Variants in RASA2 observed in about 807,000 individuals in gnomAD.
The protein encoded by RASA2 is RAS p21 protein activator 2.
Under a neutral mutation model 118.2 loss-of-function variants are expected in RASA2, and 155 were observed. That is an observed-to-expected ratio of 1.31 (90% CI 1.15 to 1.50). RASA2 has a LOEUF of 1.50. Ranked by LOEUF, RASA2 falls within the 40% of genes most tolerant of loss-of-function variation. RASA2 has a pLI of 0.00. For missense variants in RASA2, 1,016 were observed against 1,009.6 expected (o/e 1.01, Z -0.09); for synonymous variants, 353 against 349.1 (o/e 1.01, Z -0.12).
At chr3:141,511,521 A>T (rs2081949990) in intron 1 of RASA2, among the ~76,000 whole-genome samples, 1 of 152,122 alleles carries the variant, frequency 6.6e-6, no homozygotes. Flanking sequence ...AAAGAGGGAT[A>T]TTTATGTTCA....
intron 19 of RASA2, chr3:141,600,710 AT>A (rs1318974256): frequency 6.5e-6 from 1 of 153,524 alleles, no homozygotes; most frequent in Non-Finnish European, 1.5e-5. Flanking sequence ...TTAGATAAGT[AT>A]TTTTTAAGAA....
chr3:141,580,459 C>T lies in RASA2; in HGVS notation c.1674+8C>T, dbSNP rs1211222760. 2.5e-6 allele frequency: 4 copies of T among 1,572,402 alleles called. No homozygotes were observed. The highest frequency in any genetic ancestry group is 3.5e-6 in the Non-Finnish European group (4 of 1,147,678). The stretch of plus-strand genomic sequence containing the variant: ...AGTCTGTCCAAAAGCAAGGTAAGTC[C>T]TTACATCTTTTATTTTGTTTTTACA... On this transcript the variant is annotated splice_region_variant and intron_variant, in intron 16 of 23. Coordinates refer to ENST00000286364, the MANE Select transcript of RASA2 (RefSeq NM_006506.5).
At chr3:141,505,709 T>C (rs756190440) in intron 1 of RASA2, among the ~76,000 whole-genome samples, 28 of 152,290 alleles carry the variant, frequency 1.8e-4, no homozygotes, top group Non-Finnish European at 2.5e-4. Context: ...GTAGATAGTG[T>C]GAGCCATTGA....
chr3:141,531,850 T>A (rs2082265503), intron 4 of RASA2, among the ~76,000 whole-genome samples: 1 of 152,044 alleles, frequency 6.6e-6, no homozygotes, highest in Non-Finnish European at 1.5e-5. Context: ...CCACTGCTGA[T>A]AAGGGAATAC....
intron 19 of RASA2, among the ~76,000 whole-genome samples, chr3:141,606,239 C>T (rs1470317987): frequency 6.6e-6 from 1 of 152,158 alleles, no homozygotes; most frequent in Non-Finnish European, 1.5e-5. Context: ...TTACTGCCTC[C>T]CTGCCCCACC....
chr3:141,530,898 T>C (rs1423601347), intron 4 of RASA2, among the ~76,000 whole-genome samples: 1 of 152,144 alleles, frequency 6.6e-6, no homozygotes, highest in African/African-American at 2.4e-5. Context: ...TGGAAAGTGT[T>C]TAAATTAAAA....
At chr3:141,598,077 C>T (rs185234846) in intron 19 of RASA2, among the ~76,000 whole-genome samples, 2 of 152,184 alleles carry the variant, frequency 1.3e-5, no homozygotes, top group South Asian at 4.1e-4. Flanking sequence ...AAAAAGAATG[C>T]CAGGCTTAAA....
Position 141,615,077 on chromosome 3 carries a change from G to C in RASA2, c.*2764G>C, listed in dbSNP as rs2083708653. The C allele has an allele frequency of 6.6e-6, 1 of 152,070 alleles. No individual in the cohort carries two copies. The highest frequency in any genetic ancestry group is 2.4e-5 in the African/African-American group (1 of 41,394). The allele number at this position is 152,070 out of a possible 1,614,324, so 9.4% of individuals were successfully genotyped here. Reference sequence around the variant, plus strand: ...TGTGAAAAATACAAGACTCATTCTAGAGTTAAATTACCAATCTTGGTTGAT... The same window carrying C: ...TGTGAAAAATACAAGACTCATTCTACAGTTAAATTACCAATCTTGGTTGAT... On this transcript the variant is annotated 3_prime_UTR_variant, in exon 24 of 24. Transcript: ENST00000286364.
chr3:141,570,830 T>G (rs2082905868), intron 9 of RASA2, 82 bp from the exon 10 acceptor site: 1 of 1,388,392 alleles, frequency 7.2e-7, no homozygotes, highest in African/African-American at 1.5e-5. Flanking sequence ...TTGGTTTAGT[T>G]TTTTTATAAC....
chr3:141,570,195 G>A (rs1052317532), intron 9 of RASA2, among the ~76,000 whole-genome samples: 3 of 148,806 alleles, frequency 2.0e-5, no homozygotes, highest in African/African-American at 2.5e-5. Flanking sequence ...GGTTACTTAC[G>A]CATTCTGATA....
At chr3:141,533,320 G>A (rs764752685) in intron 4 of RASA2, among the ~76,000 whole-genome samples, 3 of 152,184 alleles carry the variant, frequency 2.0e-5, no homozygotes, top group Non-Finnish European at 2.9e-5. Flanking sequence ...AGGGGTTTGA[G>A]TAGAGGAAAT....
Position 141,559,920 on chromosome 3 carries a change from T to C in RASA2, c.788T>C (p.Leu263Pro). ...ATCGACTTGTGGAACAATGGAAACCTAGTCCAAGATGTTTTCCTAGGTGAG... is the reference window on the plus strand; with the variant it reads ...ATCGACTTGTGGAACAATGGAAACCCAGTCCAAGATGTTTTCCTAGGTGAG... The part of the protein sequence containing the change: ...IRIDLWNNGN[L>P]VQDVFLGEIK... Residue 263 changes from leucine (L) to proline (P), a missense_variant, in exon 9 of 24, where the codon CTA becomes CCA. By Grantham distance (98) the Leu-to-Pro change is moderately conservative. This residue lies in a region of RASA2 where 896 missense variants were observed against 836.4 expected (regional missense o/e 1.07). Coordinates refer to ENST00000286364, the MANE Select transcript of RASA2 (RefSeq NM_006506.5). 1.2e-6 allele frequency: 2 copies of C among 1,613,266 alleles called. No individual in the cohort carries two copies. Among genetic ancestry groups the C allele is most frequent in the Non-Finnish European group, 8.5e-7 (1 of 1,179,410 alleles).
intron 16 of RASA2, 102 bp downstream of exon 16, chr3:141,580,553 CAT>C: frequency 1.4e-6 from 1 of 718,036 alleles, no homozygotes; most frequent in Non-Finnish European, 2.3e-6. Context: ...AAAAACAAAA[CAT>C]ACACACACAC....
At chr3:141,609,733 A>C in intron 22 of RASA2, 144 bp from the exon 23 acceptor site, 2 of 799,634 alleles carry the variant, frequency 2.5e-6, no homozygotes. Flanking sequence ...CCTAATAAAT[A>C]AAATGTATAT....
intron 1 of RASA2, among the ~76,000 whole-genome samples, chr3:141,487,991 C>T (rs2081599592): frequency 6.6e-6 from 1 of 152,168 alleles, no homozygotes; most frequent in Non-Finnish European, 1.5e-5. Flanking sequence ...GCACTCAGCC[C>T]GCTTAATTCC....
At chr3:141,554,987 G>A (rs1054609879) in intron 6 of RASA2, among the ~76,000 whole-genome samples, 2 of 152,108 alleles carry the variant, frequency 1.3e-5, no homozygotes, top group African/African-American at 2.4e-5. Context: ...CTGGCCAGGC[G>A]CAGGTGGCTC....
intron 15 of RASA2, chr3:141,578,532 T>C (rs1252877913): frequency 6.6e-6 from 1 of 152,180 alleles, no homozygotes; most frequent in Non-Finnish European, 1.5e-5. Context: ...TCACTTAACT[T>C]TGTGAGAACT....
chr3:141,581,196 G>A lies in RASA2; in HGVS notation c.1752+19G>A. 1.4e-6 allele frequency: 2 copies of A among 1,424,268 alleles called. No homozygotes were observed. Among genetic ancestry groups the A allele is most frequent in the Non-Finnish European group, 9.3e-7 (1 of 1,077,178 alleles). 88.2% of individuals were successfully genotyped at this position (1,424,268 alleles called of 1,614,324 possible). A position where few individuals can be genotyped will look rare whatever the true frequency, so the allele number is the denominator to read the frequency against. ...TAAAAAGGTATGATGGTTTTATTCT[G>A]GAATTGTTAATATTTATTTCATATA... On this transcript the variant is annotated intron_variant, in intron 17 of 23. Transcript: ENST00000286364.
chr3:141,602,934 A>G (rs1204087027), intron 19 of RASA2, among the ~76,000 whole-genome samples: 1 of 152,192 alleles, frequency 6.6e-6, no homozygotes, highest in Non-Finnish European at 1.5e-5. Flanking sequence ...TCAGGCTTTC[A>G]TAGCCCTCTT....
Sources: allele counts gnomAD v4.1 joint callset (sites outside exome capture counted in the v4.1 genomes callset), GRCh38; gene constraint gnomAD v4.1.1; regional missense constraint gnomAD v4.1.1; transcripts MANE v1.5; gene names NCBI Gene and HGNC (gene_info 2026-07-23, HGNC 2026-07-21).